Variants in LGSN observed in about 807,000 individuals in gnomAD.
LGSN encodes the protein lengsin.
Under a neutral mutation model 19.5 loss-of-function variants are expected in LGSN, and 21 were observed. The ratio of observed to expected loss-of-function variants is 1.07; its 90% CI spans 0.76 to 1.55. The LOEUF (loss-of-function observed/expected upper bound fraction) is 1.55, where lower values mean the gene tolerates loss of function less well. Ranked by LOEUF, LGSN falls within the 40% of genes most tolerant of loss-of-function variation. The pLI is 0.00. For missense variants in LGSN, 673 were observed against 608.5 expected (o/e 1.11, Z -1.12); for synonymous variants, 257 against 215.6 (o/e 1.19, Z -1.68).
At position 63,277,141 on chromosome 6, in the gene LGSN, T is replaced by C. The variant is rs1303921456; in HGVS notation, c.*2880A>G. 1 of 152,208 alleles carries C rather than the reference T, an allele frequency of 6.6e-6. No individual in the cohort carries two copies. Among genetic ancestry groups the C allele is most frequent in the African/African-American group, 2.4e-5 (1 of 41,452 alleles). 9.4% of individuals were successfully genotyped at this position (152,208 alleles called of 1,614,324 possible). On this transcript the variant is annotated 3_prime_UTR_variant, in exon 4 of 4. Transcript: ENST00000370657. ...TAATTCCTTCACATGGCATCCTGAG[T>C]ACTGTGTTTTTAAGTTATGCTAATA...
At chr6:63,431,758 T>C in the LGSN span, among the ~76,000 whole-genome samples, 1 of 152,060 alleles carries the variant, frequency 6.6e-6, no homozygotes, top group Admixed American at 6.6e-5. Flanking sequence ...CTTTCAGAAG[T>C]TTTGAATTTC....
the LGSN span, among the ~76,000 whole-genome samples, chr6:63,564,050 G>A: frequency 3.9e-5 from 6 of 152,130 alleles, no homozygotes; most frequent in Non-Finnish European, 8.8e-5. Context: ...CAAGGCAGGC[G>A]GATCATTTGA....
chr6:63,479,630 C>T, the LGSN span, among the ~76,000 whole-genome samples: 1 of 152,128 alleles, frequency 6.6e-6, no homozygotes, highest in East Asian at 1.9e-4. Context: ...GTCCCAACTA[C>T]TCAGGAGGCT....
the LGSN span, among the ~76,000 whole-genome samples, chr6:63,403,101 C>CAGAGAG: frequency 0.1 from 15,366 of 148,732 alleles, 1,534 homozygotes; most frequent in African/African-American, 0.27. Context: ...GAGAGAGAGA[C>CAGAGAG]AGAGAGAGAG....
At chr6:63,527,694 G>T in the LGSN span, 1 of 152,212 alleles carries the variant, frequency 6.6e-6, no homozygotes, top group Non-Finnish European at 1.5e-5. Context: ...ATGAGACAGT[G>T]ATGTTTCTGG....
At chr6:63,437,482 C>T in the LGSN span, among the ~76,000 whole-genome samples, 4 of 152,096 alleles carry the variant, frequency 2.6e-5, no homozygotes, top group East Asian at 1.9e-4. Flanking sequence ...GCCACTGTGC[C>T]GGCCTTAATA....
At chr6:63,417,962 G>A in the LGSN span, among the ~76,000 whole-genome samples, 1 of 152,030 alleles carries the variant, frequency 6.6e-6, no homozygotes, top group African/African-American at 2.4e-5. Context: ...ATGTTTAGAG[G>A]TTATAAATTT....
intron 3 of LGSN, among the ~76,000 whole-genome samples, chr6:63,283,747 C>G (rs1767414660): frequency 6.6e-6 from 1 of 151,678 alleles, no homozygotes; most frequent in Non-Finnish European, 1.5e-5. Flanking sequence ...TTTGCCCAGG[C>G]TGGAGTGCAA....
chr6:63,402,494 T>A, the LGSN span, among the ~76,000 whole-genome samples: 1 of 152,188 alleles, frequency 6.6e-6, no homozygotes, highest in South Asian at 2.1e-4. Context: ...ACTTTTACCA[T>A]AAAAGTACTT....
At chr6:63,513,932 A>AAAAAAAAAAAAAAAAC in the LGSN span, among the ~76,000 whole-genome samples, 1 of 114,492 alleles carries the variant, frequency 8.7e-6, no homozygotes, top group Non-Finnish European at 1.8e-5. Flanking sequence ...AAAAAAAAAA[A>AAAAAAAAAAAAAAAAC]AAAACACTGG....
the LGSN span, among the ~76,000 whole-genome samples, chr6:63,343,072 G>T: frequency 6.6e-6 from 1 of 152,190 alleles, no homozygotes; most frequent in Non-Finnish European, 1.5e-5. Flanking sequence ...TAATATAAAA[G>T]TCTTCAAGTT....
the LGSN span, among the ~76,000 whole-genome samples, chr6:63,557,006 A>AAGCATGAAACAATTAT: frequency 2.6e-5 from 4 of 152,318 alleles, no homozygotes; most frequent in South Asian, 8.3e-4. Flanking sequence ...TCCTGAAATC[A>AAGCATGAAACAATTAT]AGCATGAAAC....
At chr6:63,508,411 T>A in the LGSN span, among the ~76,000 whole-genome samples, 81,024 of 151,576 alleles carry the variant, frequency 0.53, 23,425 homozygotes, top group African/African-American at 0.77. Context: ...TAAAATTTTT[T>A]AAAACCACCA....
At chr6:63,448,759 A>G in the LGSN span, among the ~76,000 whole-genome samples, 2 of 146,128 alleles carry the variant, frequency 1.4e-5, no homozygotes, top group Admixed American at 1.4e-4. Flanking sequence ...TTTTATCTTG[A>G]CTTCTACCCC....
the LGSN span, among the ~76,000 whole-genome samples, chr6:63,405,075 G>A: frequency 2.7e-5 from 4 of 150,692 alleles, no homozygotes; most frequent in African/African-American, 9.8e-5. Flanking sequence ...TTGTTCTTGC[G>A]ATAGTTTACT....
At chr6:63,289,431 G>T (rs1372475052) in intron 2 of LGSN, among the ~76,000 whole-genome samples, 1 of 152,100 alleles carries the variant, frequency 6.6e-6, no homozygotes, top group African/African-American at 2.4e-5. Context: ...CTTTTGGTCA[G>T]CCTTTCCCAG....
the LGSN span, among the ~76,000 whole-genome samples, chr6:63,428,294 A>G: frequency 1.3e-5 from 2 of 152,220 alleles, no homozygotes; most frequent in African/African-American, 4.8e-5. Flanking sequence ...TGGCTGGAAT[A>G]TAAGGTATTT....
the LGSN span, among the ~76,000 whole-genome samples, chr6:63,350,994 C>T: frequency 7.2e-5 from 11 of 152,322 alleles, no homozygotes; most frequent in African/African-American, 2.4e-4. Flanking sequence ...ATTTGTGTCT[C>T]TTCCACCCAA....
the LGSN span, among the ~76,000 whole-genome samples, chr6:63,482,565 C>T: frequency 6.6e-6 from 1 of 152,174 alleles, no homozygotes; most frequent in African/African-American, 2.4e-5. Context: ...TCCATCTCTA[C>T]TAAAAATACA....
Sources: allele counts gnomAD v4.1 joint callset (sites outside exome capture counted in the v4.1 genomes callset), GRCh38; gene constraint gnomAD v4.1.1; transcripts MANE v1.5; gene names NCBI Gene and HGNC (gene_info 2026-07-23, HGNC 2026-07-21).